The following ANK3 variants were observed in gnomAD, a reference collection of about 807,000 sequenced individuals.
ANK3 encodes ankyrin-3.
Under a neutral mutation model 370.9 loss-of-function variants are expected in ANK3, and 57 were observed. The observed-to-expected ratio is 0.15, with a 90% CI of 0.12 to 0.19. ANK3 has a LOEUF of 0.19. Ranked by LOEUF, ANK3 falls within the 10% of genes least tolerant of loss-of-function variation. The probability of loss-of-function intolerance (pLI) is 1.00; values close to 1 mark genes in which losing one functional copy is unlikely to be tolerated. For synonymous variants in ANK3, 1,929 were observed against 1,946.3 expected (o/e 0.99, Z 0.23); for missense variants, 4,439 against 5,302.1 (o/e 0.84, Z 5.06).
intron 1 of ANK3, among the ~76,000 whole-genome samples, chr10:60,289,014 T>G (rs77096068): frequency 6.6e-6 from 1 of 152,002 alleles, no homozygotes; most frequent in African/African-American, 2.4e-5. Flanking sequence ...TGGTGGCACA[T>G]TAAGTTCTCC....
At chr10:60,605,302 G>C (rs4584525) in intron 2 of ANK3, among the ~76,000 whole-genome samples, 80,764 of 151,770 alleles carry the variant, frequency 0.53, 21,564 homozygotes, top group East Asian at 0.7. Flanking sequence ...TTAAAGAAGG[G>C]AAAGCAGGCC....
intron 11 of ANK3, among the ~76,000 whole-genome samples, chr10:60,203,935 T>A (rs530535107): frequency 1.4e-4 from 21 of 152,336 alleles, no homozygotes; most frequent in African/African-American, 5.1e-4. Context: ...CCATTTTAAA[T>A]TTTTCAGTTT....
At position 60,070,925 on chromosome 10, in the gene ANK3, T is replaced by G; in HGVS notation, c.9956A>C (p.Asp3319Ala). ...PPGADVSDSS[D>A]DESIYQPVPV... ...GACTGGCTGATAAATAGATTCGTCATCGCTTGAATCACTGACGTCTGCCCC... is the reference window on the plus strand; with the variant it reads ...GACTGGCTGATAAATAGATTCGTCAGCGCTTGAATCACTGACGTCTGCCCC... Residue 3319 changes from aspartate to alanine, a missense_variant, in exon 37 of 44, where the codon GAT becomes GCT. By Grantham distance (126) the Asp-to-Ala change is moderately radical (BLOSUM62 -2). This residue lies in a region of ANK3 where 1,601 missense variants were observed against 1,731.7 expected (regional missense o/e 0.92). Coordinates refer to ENST00000280772, the MANE Select transcript of ANK3 (RefSeq NM_020987.5). This position sits in a 1 kb window ranked among gnomAD's most constrained non-coding sequence, Gnocchi z 5.7. 7 of 1,614,096 alleles carry G rather than the reference T, an allele frequency of 4.3e-6. No individual in the cohort carries two copies. The highest frequency in any genetic ancestry group is 5.9e-6 in the Non-Finnish European group (7 of 1,179,988).
chr10:60,205,960 A>T, intron 10 of ANK3, 70 bp from the exon 11 acceptor site: 1 of 1,003,356 alleles, frequency 1.0e-6, no homozygotes, highest in Non-Finnish European at 1.6e-6. Context: ...GTGTGCAGTA[A>T]ATAGTTTTGC....
At chr10:60,479,751 G>A (rs1380419940) in intron 2 of ANK3, among the ~76,000 whole-genome samples, 1 of 151,416 alleles carries the variant, frequency 6.6e-6, no homozygotes, top group Non-Finnish European at 1.5e-5. Context: ...TATGTTGGTC[G>A]AAATCATCCT....
intron 1 of ANK3, among the ~76,000 whole-genome samples, chr10:60,331,571 T>C (rs79673042): frequency 1.8e-4 from 25 of 137,058 alleles, no homozygotes; most frequent in Non-Finnish European, 3.8e-4. Flanking sequence ...ACAGCCTAAT[T>C]AAAAAAAAAA....
At chr10:60,034,619 C>G (rs1278878745) in intron 43 of ANK3, among the ~76,000 whole-genome samples, 9 of 152,182 alleles carry the variant, frequency 5.9e-5, no homozygotes, top group African/African-American at 2.2e-4. Flanking sequence ...GTTTCAAATG[C>G]CACCTCCTTG....
intron 2 of ANK3, among the ~76,000 whole-genome samples, chr10:60,408,350 G>A (rs1405883141): frequency 6.6e-6 from 1 of 152,072 alleles, no homozygotes; most frequent in Non-Finnish European, 1.5e-5. Context: ...GGTTTAGATC[G>A]TCCCCGCTTT....
rs1236316989 is a variant in ANK3, at chr10:60,059,363, C to T, written c.12663G>A (p.Gly4221=). 1.2e-6 allele frequency: 2 copies of T among 1,614,006 alleles called. No homozygotes were observed. The highest frequency in any genetic ancestry group is 1.3e-5 in the African/African-American group (1 of 75,028). Residue 4221 remains glycine, a synonymous_variant, in exon 41 of 44, where the codon GGG becomes GGA. Transcript: ENST00000280772. ...ACCTGTCATCCAGTCGATCTAGTAA[C>T]CCACCAGTTACTCTTCGAGCTTGAG... is the stretch of plus-strand genomic sequence containing the variant. ...SCAQARRVTG[G]LLDRLDDSPD...
intron 1 of ANK3, among the ~76,000 whole-genome samples, chr10:60,634,255 CATG>C (rs2078522199): frequency 1.3e-5 from 2 of 152,238 alleles, no homozygotes; most frequent in Admixed American, 1.3e-4. Context: ...TCTGAAGGCA[CATG>C]ATAATTCAAC....
chr10:60,572,532 C>T, intron 2 of ANK3: 3 of 1,535,522 alleles, frequency 2.0e-6, no homozygotes, highest in Non-Finnish European at 1.7e-6. Context: ...ACTCATCTTT[C>T]CTTTAAATCA....
At chr10:60,186,136 A>T (rs61845857) in intron 17 of ANK3, among the ~76,000 whole-genome samples, 98 of 152,326 alleles carry the variant, frequency 6.4e-4, no homozygotes, top group South Asian at 1.4e-3. Context: ...TGTGAAATAA[A>T]GCAAAGGGCT....
chr10:60,037,037 AT>A (rs1554817817), intron 43 of ANK3, among the ~76,000 whole-genome samples: 3 of 152,036 alleles, frequency 2.0e-5, no homozygotes, highest in Non-Finnish European at 4.4e-5. Flanking sequence ...TTCTTTCTCT[AT>A]CATCCAGTTG....
At chr10:60,468,762 ATATAT>A (rs1258016956) in intron 2 of ANK3, among the ~76,000 whole-genome samples, 31 of 151,868 alleles carry the variant, frequency 2.0e-4, no homozygotes, top group African/African-American at 7.0e-4. Flanking sequence ...CTTCAGCATA[ATATAT>A]TATATCACTC....
chr10:60,238,198 A>G (rs10821707), intron 7 of ANK3, among the ~76,000 whole-genome samples: 27,363 of 152,160 alleles, frequency 0.18, 2,579 homozygotes, highest in African/African-American at 0.22. Flanking sequence ...AAAATGTATC[A>G]TGCCCTACTA....
In ANK3 at chr10:60,398,937, T is replaced by C. The variant is rs1594952776; in HGVS notation, c.97-119298A>G. On this transcript the variant is annotated intron_variant, in intron 2 of 43. Transcript: ENST00000373827. ...GAGGGCATAGGAAGTTCTGATGCTT[T>C]ATATTTTATTTGTAATTTCCTATTA... is the stretch of plus-strand genomic sequence containing the variant. Among the ~76,000 whole-genome samples, 3 of 152,294 alleles carry C rather than the reference T, an allele frequency of 2.0e-5. No homozygotes were observed. In the East Asian group the frequency reaches 5.8e-4, roughly 29 times the overall value.
At chr10:60,107,761 A>G (rs990528105) in intron 27 of ANK3, among the ~76,000 whole-genome samples, 1 of 152,152 alleles carries the variant, frequency 6.6e-6, no homozygotes, top group Admixed American at 6.5e-5. Flanking sequence ...ACACACACAC[A>G]TGCGCACGCG....
intron 2 of ANK3, among the ~76,000 whole-genome samples, chr10:60,413,853 TG>T (rs2132935810): frequency 6.6e-6 from 1 of 151,926 alleles, no homozygotes; most frequent in African/African-American, 2.4e-5. Flanking sequence ...AAAAATTAGC[TG>T]GGTGTGGTGG....
chr10:60,458,741 A>G (rs2064812601), intron 2 of ANK3, among the ~76,000 whole-genome samples: 1 of 152,176 alleles, frequency 6.6e-6, no homozygotes, highest in South Asian at 2.1e-4. Context: ...ATAACAGAAG[A>G]AAGTTATTAA....
Sources: allele counts gnomAD v4.1 joint callset (sites outside exome capture counted in the v4.1 genomes callset), GRCh38; gene constraint gnomAD v4.1.1; regional missense constraint gnomAD v4.1.1; non-coding constraint Gnocchi (gnomAD v3.1); transcripts MANE v1.5; gene names NCBI Gene and HGNC (gene_info 2026-07-23, HGNC 2026-07-21).